ADGB: variants seen among roughly 807,000 people sequenced by gnomAD.
The protein encoded by ADGB is androglobin.
A neutral mutation model predicts 210.5 loss-of-function variants in ADGB; 172 were observed. The observed-to-expected ratio is 0.82, with a 90% confidence interval of 0.72 to 0.93. The LOEUF (loss-of-function observed/expected upper bound fraction) is 0.93. ADGB is among the 40% of genes least tolerant of loss of function. The probability of loss-of-function intolerance (pLI) is 0.00; values close to 1 mark genes in which losing one functional copy is unlikely to be tolerated. For missense variants in ADGB, 2,025 were observed against 1,964.8 expected (o/e 1.03, Z -0.58); for synonymous variants, 658 against 662.7 (o/e 0.99, Z 0.11).
Position 146,692,929 on chromosome 6 carries a change from TTC to T in ADGB, c.1577+16_1577+17del. ...TCCAACAGAAATGTAAGTATTAACA[TTC>T]TTCCTCACAAATGTGTCTTGTTAGT... On this transcript the variant is annotated intron_variant, in intron 12 of 35. Coordinates refer to ENST00000397944, the MANE Select transcript of ADGB (RefSeq NM_024694.4). The T allele has an allele frequency of 1.5e-6, 2 of 1,369,054 alleles. No individual in the cohort carries two copies. Among genetic ancestry groups the T allele is most frequent in the Non-Finnish European group, 2.0e-6 (2 of 990,336 alleles). The allele number at this position is 1,369,054 out of a possible 1,614,324, so 84.8% of individuals were successfully genotyped here.
rs771020752 is a variant in ADGB, at chr6:146,815,248, G to A, written c.*31G>A. 7 of 1,439,264 alleles carry A rather than the reference G, an allele frequency of 4.9e-6. No homozygotes were observed. The South Asian group carries it at 9.5e-5, about 19-fold the overall frequency. 89.2% of individuals were successfully genotyped at this position (1,439,264 alleles called of 1,614,324 possible). ...GGATGTCCAATACTACCCTGCTTCT[G>A]GAGAGAAAAAATCTATTTGTAATGA... is the stretch of plus-strand genomic sequence containing the variant. On this transcript the variant is annotated 3_prime_UTR_variant, in exon 36 of 36. Coordinates refer to ENST00000397944, the MANE Select transcript of ADGB (RefSeq NM_024694.4).
At chr6:146,746,454 A>G (rs1329100573) in intron 26 of ADGB, among the ~76,000 whole-genome samples, 1 of 151,944 alleles carries the variant, frequency 6.6e-6, no homozygotes, top group African/African-American at 2.4e-5. Flanking sequence ...CCTTCTTTTT[A>G]TGTTCATCTA....
rs1241295248 is a variant in ADGB, at chr6:146,769,050, T to G, written c.3781T>G (p.Leu1261Val). 2.0e-6 allele frequency: 3 copies of G among 1,528,804 alleles called. No individual in the cohort carries two copies. The East Asian group carries it at 7.4e-5, about 37-fold the overall frequency. 94.7% of individuals were successfully genotyped at this position (1,528,804 alleles called of 1,614,324 possible). Residue 1261 changes from leucine (L) to valine (V), a missense_variant, in exon 29 of 36, where the codon TTG becomes GTG. Coordinates refer to ENST00000397944, the MANE Select transcript of ADGB (RefSeq NM_024694.4). ...CAAGTATATTATACAGTGTTCGGTG[T>G]TGTATAACAGTTGGCCTCTCACTGA... Reference protein sequence around the residue: ...NYKYIIQCSVLYNSWPLTESQ... With the variant: ...NYKYIIQCSVVYNSWPLTESQ...
rs1368214964 is a variant in ADGB at position 146,728,059 on chromosome 6, AC to A, written c.2353-513del. On this transcript the variant is annotated intron_variant, in intron 19 of 35. Transcript: ENST00000397944. ...CTCCAGGACCACCCACCGTACACCA[AC>A]CACAACAGCTCCAAACACCTCACAG... 1.1e-4 allele frequency among the ~76,000 whole-genome samples: 16 copies of A among 152,298 alleles called. No individual in the cohort carries two copies. In the East Asian group the frequency reaches 2.9e-3, roughly 28 times the overall value.
At chr6:146,654,795 A>G (rs1775756505) in intron 4 of ADGB, among the ~76,000 whole-genome samples, 1 of 152,036 alleles carries the variant, frequency 6.6e-6, no homozygotes, top group Non-Finnish European at 1.5e-5. Flanking sequence ...TGTGTGTGTT[A>G]TTGTGTGTGT....
At position 146,724,212 on chromosome 6, in the gene ADGB, G is replaced by C; in HGVS notation, c.2122G>C (p.Glu708Gln). ...CTTAACAAAAGACAGTCCTCCCATA[G>C]AGCCTGGACTTCTCACAGCTGAAAC... The part of the protein sequence containing the change: ...GALTKDSPPI[E>Q]PGLLTAETFS... Residue 708 changes from glutamate (E) to glutamine (Q), a missense_variant, in exon 18 of 36, where the codon GAG (glutamate) becomes CAG (glutamine). Transcript: ENST00000397944. 2 of 1,550,284 alleles carry C rather than the reference G, an allele frequency of 1.3e-6. No homozygotes were observed. The highest frequency in any genetic ancestry group is 1.4e-5 in the African/African-American group (1 of 73,020).
chr6:146,797,512 T>C (rs868227379), intron 33 of ADGB, among the ~76,000 whole-genome samples: 2 of 152,104 alleles, frequency 1.3e-5, no homozygotes, highest in Middle Eastern at 3.4e-3. Flanking sequence ...GTGGTATATA[T>C]ATATACATAT....
chr6:146,798,254 T>A (rs1399890899), intron 33 of ADGB, among the ~76,000 whole-genome samples: 9 of 152,330 alleles, frequency 5.9e-5, no homozygotes, highest in Non-Finnish European at 2.9e-5. Flanking sequence ...AGGTAAATTT[T>A]AGAAGACAAC....
chr6:146,705,591 A>G (rs985532361), intron 13 of ADGB, among the ~76,000 whole-genome samples: 1 of 152,130 alleles, frequency 6.6e-6, no homozygotes, highest in East Asian at 1.9e-4. Flanking sequence ...GTAGATTTGC[A>G]TATGTCAAAC....
chr6:146,631,120 C>T (rs981180041), intron 1 of ADGB, among the ~76,000 whole-genome samples: 4 of 152,106 alleles, frequency 2.6e-5, no homozygotes, highest in African/African-American at 7.2e-5. Flanking sequence ...ATATAGCATA[C>T]AAGTGCTTAT....
intron 12 of ADGB, among the ~76,000 whole-genome samples, chr6:146,695,458 T>G (rs1776389611): frequency 2.6e-5 from 4 of 152,088 alleles, no homozygotes. Flanking sequence ...AGGCATTAAG[T>G]AAATCATAGG....
intron 18 of ADGB, chr6:146,724,876 G>A (rs1776872177): frequency 6.6e-6 from 1 of 152,076 alleles, no homozygotes; most frequent in Non-Finnish European, 1.5e-5. Flanking sequence ...TAATGGAAAA[G>A]ATTTTATTTT....
At chr6:146,765,793 AAACAAATGAGCT>A (rs1777564178) in intron 28 of ADGB, among the ~76,000 whole-genome samples, 1 of 151,796 alleles carries the variant, frequency 6.6e-6, no homozygotes, top group South Asian at 2.1e-4. Context: ...GGATGATTAA[AAACAAATGAGCT>A]AAGCTATTGA....
At position 146,615,389 on chromosome 6, in the gene ADGB, C is replaced by T. The variant is rs149203858; in HGVS notation, c.74+16275C>T. On this transcript the variant is annotated intron_variant, in intron 1 of 35. Coordinates refer to ENST00000397944, the MANE Select transcript of ADGB (RefSeq NM_024694.4). The stretch of plus-strand genomic sequence containing the variant: ...ATGAGATTTGGAGGGGACAGACATC[C>T]AAACCATATCACCAACACCTCAAAC... Among the ~76,000 whole-genome samples, 246 of 152,284 alleles carry T rather than the reference C, an allele frequency of 1.6e-3. 5 individuals carry two copies. The South Asian group carries it at 0.034, about 21-fold the overall frequency.
intron 17 of ADGB, among the ~76,000 whole-genome samples, chr6:146,722,352 C>T (rs961087510): frequency 3.3e-5 from 5 of 152,118 alleles, no homozygotes; most frequent in Non-Finnish European, 7.4e-5. Context: ...ACTATCTACC[C>T]TGCCACTTTT....
chr6:146,692,793 G>A (rs1300166354), intron 11 of ADGB, 32 bp from the exon 12 acceptor site: 3 of 1,207,088 alleles, frequency 2.5e-6, no homozygotes, highest in Non-Finnish European at 3.5e-6. Flanking sequence ...TTTTTTAAAT[G>A]TACATCATAC....
chr6:146,749,904 G>A (rs1207675267), intron 26 of ADGB, among the ~76,000 whole-genome samples: 1 of 152,014 alleles, frequency 6.6e-6, no homozygotes, highest in African/African-American at 2.4e-5. Flanking sequence ...ACTATCATGA[G>A]GACAGCAAGG....
At chr6:146,682,132 G>A (rs1776165947) in intron 9 of ADGB, among the ~76,000 whole-genome samples, 1 of 151,896 alleles carries the variant, frequency 6.6e-6, no homozygotes, top group Non-Finnish European at 1.5e-5. Context: ...ACTTCTTATG[G>A]ATTTATAGTA....
At position 146,612,738 on chromosome 6, in the gene ADGB, A is replaced by C. The variant is rs561858835; in HGVS notation, c.74+13624A>C. ...CTGGTAGAATGGTCCTGCTCTTTTTAAAAAAAGAAGAATGAAAGAAGGGAG... is the reference window on the plus strand; with the variant it reads ...CTGGTAGAATGGTCCTGCTCTTTTTCAAAAAAGAAGAATGAAAGAAGGGAG... On this transcript the variant is annotated intron_variant, in intron 1 of 35. Coordinates refer to ENST00000397944, the MANE Select transcript of ADGB (RefSeq NM_024694.4). 2.8e-4 allele frequency among the ~76,000 whole-genome samples: 42 copies of C among 152,146 alleles called. No homozygotes were observed. The South Asian group carries it at 7.7e-3, about 28-fold the overall frequency.
Sources: allele counts gnomAD v4.1 joint callset (sites outside exome capture counted in the v4.1 genomes callset), GRCh38; gene constraint gnomAD v4.1.1; transcripts MANE v1.5; gene names NCBI Gene and HGNC (gene_info 2026-07-23, HGNC 2026-07-21).